The following ADAMTS9 variants were observed in gnomAD, a reference collection of about 807,000 sequenced individuals.
The protein encoded by ADAMTS9 is ADAM metallopeptidase with thrombospondin type 1 motif 9, also known as A disintegrin and metalloproteinase with thrombospondin motifs 9.
Under a neutral mutation model 257.1 loss-of-function variants are expected in ADAMTS9, and 107 were observed. The observed-to-expected ratio is 0.42, with a 90% CI of 0.36 to 0.49. The LOEUF is 0.49. Among genes scored for constraint, ADAMTS9 ranks in the 20% least tolerant of loss-of-function variants. ADAMTS9 has a pLI of 0.03. For synonymous variants in ADAMTS9, 982 were observed against 880.9 expected (o/e 1.11, Z -2.03); for missense variants, 2,353 against 2,469.1 (o/e 0.95, Z 1.00).
At chr3:64,561,489 T>G in intron 30 of ADAMTS9, 89 bp downstream of exon 30, 2 of 1,422,316 alleles carry the variant, frequency 1.4e-6, no homozygotes, top group Non-Finnish European at 1.9e-6. Flanking sequence ...GCTCGGTGAC[T>G]TCTCTGGCTT....
At position 64,522,037 on chromosome 3, in the gene ADAMTS9, T is replaced by A. The variant is rs1395248560; in HGVS notation, c.*5+129A>T. On this transcript the variant is annotated intron_variant, in intron 39 of 39. Coordinates refer to ENST00000498707, the MANE Select transcript of ADAMTS9 (RefSeq NM_182920.2). Reference sequence around the variant, plus strand: ...GACAGAGGAGCAGGAGATAAAAAGGTAGAACTGTATTGGGTCAGCTTCAAG... The same window carrying A: ...GACAGAGGAGCAGGAGATAAAAAGGAAGAACTGTATTGGGTCAGCTTCAAG... 3 of 699,610 alleles carry A rather than the reference T, an allele frequency of 4.3e-6. No individual in the cohort carries two copies. In the African/African-American group the frequency reaches 5.4e-5, roughly 13 times the overall value. 43.3% of individuals were successfully genotyped at this position (699,610 alleles called of 1,614,324 possible).
chr3:64,634,364 C>T (rs978432892), intron 12 of ADAMTS9, among the ~76,000 whole-genome samples: 4 of 152,182 alleles, frequency 2.6e-5, no homozygotes, highest in African/African-American at 9.7e-5. Flanking sequence ...TTCCCTCACA[C>T]CTCCATTCAT....
intron 39 of ADAMTS9, among the ~76,000 whole-genome samples, chr3:64,520,461 C>A (rs1270814116): frequency 6.6e-6 from 1 of 152,040 alleles, no homozygotes; most frequent in African/African-American, 2.4e-5. Context: ...GATATGGAAC[C>A]AAAGCAGAGC....
At chr3:64,639,566 T>C (rs1379101374) in intron 12 of ADAMTS9, among the ~76,000 whole-genome samples, 7 of 104,774 alleles carry the variant, frequency 6.7e-5, no homozygotes, top group African/African-American at 3.0e-4. Context: ...AAGTATTATT[T>C]TAAAAAAGGC....
chr3:64,601,758 C>T (rs1000991299), intron 26 of ADAMTS9, among the ~76,000 whole-genome samples, 186 bp downstream of exon 26: 3 of 152,060 alleles, frequency 2.0e-5, no homozygotes, highest in East Asian at 1.9e-4. Context: ...TATAGGTGGA[C>T]GCAGGCAGTA....
intron 28 of ADAMTS9, among the ~76,000 whole-genome samples, chr3:64,573,079 TAAAAAA>T (rs57570382): frequency 1.3e-3 from 158 of 119,968 alleles, no homozygotes; most frequent in Admixed American, 2.0e-3. Flanking sequence ...GACTCCATCT[TAAAAAA>T]AAAAAAAAAA....
At chr3:64,544,264 C>T (rs2083167435) in intron 32 of ADAMTS9, among the ~76,000 whole-genome samples, 1 of 152,182 alleles carries the variant, frequency 6.6e-6, no homozygotes, top group African/African-American at 2.4e-5. Context: ...GGAAAAACTA[C>T]TTTAAAGTTC....
chr3:64,615,121 T>A (rs2084737060), intron 21 of ADAMTS9, 200 bp downstream of exon 21: 1 of 572,044 alleles, frequency 1.7e-6, no homozygotes, highest in Admixed American at 3.5e-5. Flanking sequence ...CAAAGTGCCC[T>A]GAGGTCACTG....
At position 64,613,477 on chromosome 3, in the gene ADAMTS9, G is replaced by A. The variant is rs989735457; in HGVS notation, c.3222C>T (p.His1074=). 4 of 1,613,844 alleles carry A rather than the reference G, an allele frequency of 2.5e-6. No homozygotes were observed. Among genetic ancestry groups the A allele is most frequent in the Non-Finnish European group, 3.4e-6 (4 of 1,179,850 alleles). ...CLVTCGKGHK[H]RQVWCQFGED... is the part of the protein sequence containing the mutation. ...CACCAAACTGACACCAGACCTGGCG[G>A]TGCTTATGCCCTTTTCCACAGGTGA... is the stretch of plus-strand genomic sequence containing the variant. Residue 1074 remains histidine (H), a synonymous_variant, in exon 22 of 40, where the codon CAC becomes CAT. Transcript: ENST00000498707.
intron 31 of ADAMTS9, among the ~76,000 whole-genome samples, chr3:64,547,783 A>G (rs2083221784): frequency 6.6e-6 from 1 of 152,102 alleles, no homozygotes; most frequent in East Asian, 1.9e-4. Context: ...GCATTTAAAC[A>G]TACTCTACCA....
intron 2 of ADAMTS9, among the ~76,000 whole-genome samples, chr3:64,682,260 C>T (rs542797524): frequency 6.6e-6 from 1 of 152,166 alleles, no homozygotes; most frequent in African/African-American, 2.4e-5. Flanking sequence ...AGTTACTGTG[C>T]AGATTAAATA....
chr3:64,615,360 C>A lies in ADAMTS9; in HGVS notation c.3150G>T (p.Glu1050Asp). The change falls in exon 21 of 40, where the codon GAG becomes GAT. Residue 1050 changes from glutamate (E) to aspartate (D), a missense_variant. By Grantham distance (45) the Glu-to-Asp change is conservative. Transcript: ENST00000498707. The part of the protein sequence containing the change: ...QEKVTIQRCS[E>D]FPCPQWKSGD... ...CAGATTTCCACTGTGGACAAGGGAA[C>A]TCACTGCACCTCTGAATGGTAACTT... 1 of 1,614,044 alleles carries A rather than the reference C, an allele frequency of 6.2e-7. No homozygotes were observed. Among genetic ancestry groups the A allele is most frequent in the Non-Finnish European group, 8.5e-7 (1 of 1,179,926 alleles).
At chr3:64,524,432 A>C (rs2082885735) in intron 38 of ADAMTS9, among the ~76,000 whole-genome samples, 1 of 152,224 alleles carries the variant, frequency 6.6e-6, no homozygotes, top group Non-Finnish European at 1.5e-5. Context: ...ATGCATGTAG[A>C]AAGGCATTTA....
At chr3:64,593,516 A>C (rs2084299745) in intron 28 of ADAMTS9, among the ~76,000 whole-genome samples, 1 of 152,212 alleles carries the variant, frequency 6.6e-6, no homozygotes, top group Non-Finnish European at 1.5e-5. Flanking sequence ...GACACAGCTG[A>C]TGCTTCTGTT....
At chr3:64,622,030 G>T (rs1320308778) in intron 18 of ADAMTS9, among the ~76,000 whole-genome samples, 168 bp downstream of exon 18, 1 of 151,902 alleles carries the variant, frequency 6.6e-6, no homozygotes, top group Admixed American at 6.6e-5. Flanking sequence ...CACTTAAAAA[G>T]TTCAACTTCC....
intron 28 of ADAMTS9, among the ~76,000 whole-genome samples, chr3:64,570,232 C>A (rs2083645970): frequency 6.6e-6 from 1 of 152,138 alleles, no homozygotes; most frequent in African/African-American, 2.4e-5. Flanking sequence ...ATTGACAAGT[C>A]TCTGTCTTCA....
chr3:64,541,274 C>G lies in ADAMTS9; in HGVS notation c.5387+46G>C, dbSNP rs200706234. The G allele has an allele frequency of 5.6e-6, 9 of 1,613,922 alleles. No individual in the cohort carries two copies. In the Admixed American group the frequency reaches 1.3e-4, roughly 24 times the overall value. ...TCTGGTAAGGATGGGAAAGCATTTC[C>G]AGGGATCTCCAGGCCTCTGAGATCT... On this transcript the variant is annotated intron_variant, in intron 35 of 39. Transcript: ENST00000498707.
chr3:64,594,287 C>T lies in ADAMTS9; in HGVS notation c.4327G>A (p.Ala1443Thr), dbSNP rs376236128. Reference sequence around the variant, plus strand: ...CTCCAAGGGCCAGTACTCCATGCAGCGTCGTGTGGACAAGCATGTGTGTTA... The same window carrying T: ...CTCCAAGGGCCAGTACTCCATGCAGTGTCGTGTGGACAAGCATGTGTGTTA... The part of the protein sequence containing the change: ...QCNTHACPHD[A>T]AWSTGPWSSC... Residue 1443 changes from alanine to threonine, a missense_variant, in exon 28 of 40, where the codon GCT becomes ACT. Ala to Thr is a moderately conservative substitution (Grantham distance 58). This residue lies in a region of ADAMTS9 where 1,402 missense variants were observed against 1,441.4 expected (regional missense o/e 0.97). Transcript: ENST00000498707. 1.9e-5 allele frequency: 31 copies of T among 1,613,912 alleles called. No individual in the cohort carries two copies. Among genetic ancestry groups the T allele is most frequent in the Non-Finnish European group, 2.4e-5 (28 of 1,179,890 alleles).
chr3:64,654,404 T>C lies in ADAMTS9; in HGVS notation c.1265A>G (p.Glu422Gly). 6.2e-7 allele frequency: 1 copy of C among 1,614,118 alleles called. No homozygotes were observed. Among genetic ancestry groups the C allele is most frequent in the Non-Finnish European group, 8.5e-7 (1 of 1,180,020 alleles). The change falls in exon 8 of 40, where the codon GAA becomes GGA. Residue 422 changes from glutamate to glycine, a missense_variant. Physicochemically the swap from Glu to Gly is moderately conservative, Grantham distance 98. Around this residue, in one of 3 missense-constraint regions of ADAMTS9, gnomAD observed 591 missense variants for 569.6 expected, o/e 1.04. Coordinates refer to ENST00000498707, the MANE Select transcript of ADAMTS9 (RefSeq NM_182920.2). ...CDPYRSCSIS[E>G]DSGLSTAFTI... ...AAAAGCTGTACTCAATCCACTATCT[T>C]CACTAATAGAACAGCTTCTATAGGG...
Sources: allele counts gnomAD v4.1 joint callset (sites outside exome capture counted in the v4.1 genomes callset), GRCh38; gene constraint gnomAD v4.1.1; regional missense constraint gnomAD v4.1.1; transcripts MANE v1.5; gene names NCBI Gene and HGNC (gene_info 2026-07-23, HGNC 2026-07-21).